Variants in CHN1 observed in about 807,000 individuals in gnomAD.
CHN1 encodes N-chimaerin.
Under a neutral mutation model 59.5 loss-of-function variants are expected in CHN1, and 37 were observed. The ratio of observed to expected loss-of-function variants is 0.62; its 90% confidence interval spans 0.48 to 0.82. The LOEUF (loss-of-function observed/expected upper bound fraction) is 0.82. CHN1 is among the 40% of genes least tolerant of loss of function. CHN1 has a pLI of 0.00. For synonymous variants in CHN1, 206 were observed against 200.4 expected, an observed-to-expected ratio of 1.03 and a Z score of -0.24; for missense variants, 469 against 571.0, an observed-to-expected ratio of 0.82 and a Z score of 1.82.
chr2:174,848,946 A>G (rs924631764), intron 6 of CHN1, among the ~76,000 whole-genome samples: 4 of 151,642 alleles, frequency 2.6e-5, no homozygotes, highest in African/African-American at 9.7e-5. Flanking sequence ...ATTTTGTCAC[A>G]TGATGACTAA....
chr2:174,990,252 TGTGTGTGTGTGAGAGAGA>T (rs1270812541), intron 1 of CHN1, among the ~76,000 whole-genome samples: 1 of 96,512 alleles, frequency 1.0e-5, no homozygotes, highest in Non-Finnish European at 2.3e-5. Flanking sequence ...TGTGTGTGTG[TGTGTGTGTGTGAGAGAGA>T]GAGAGAGAGA....
chr2:174,979,444 T>C (rs1180718659), intron 1 of CHN1, among the ~76,000 whole-genome samples: 2 of 152,208 alleles, frequency 1.3e-5, no homozygotes, highest in African/African-American at 4.8e-5. Context: ...ATTTTCTTTC[T>C]CTACAGTCAA....
intron 3 of CHN1, among the ~76,000 whole-genome samples, chr2:174,931,707 A>G (rs556015811): frequency 6.6e-6 from 1 of 152,380 alleles, no homozygotes; most frequent in South Asian, 2.1e-4. Flanking sequence ...GTAGAACAGG[A>G]AAAGACTGGG....
chr2:174,922,654 G>A lies in CHN1; in HGVS notation c.115-4089C>T, dbSNP rs142847927. The stretch of plus-strand genomic sequence containing the variant: ...TGCAGTGAGCCATGATCACATCACT[G>A]CACTCTCAGCCTGAGTGACAGAGTA... On this transcript the variant is annotated intron_variant, in intron 3 of 12. Coordinates refer to ENST00000409900, the MANE Select transcript of CHN1 (RefSeq NM_001822.7). Among the ~76,000 whole-genome samples, 242 of 152,144 alleles carry A rather than the reference G, an allele frequency of 1.6e-3. 5 individuals are homozygous for A. Among genetic ancestry groups the A allele is most frequent in the East Asian group, 5.2e-3 (27 of 5,170 alleles).
intron 1 of CHN1, among the ~76,000 whole-genome samples, chr2:174,959,652 G>A (rs922885519): frequency 2.0e-5 from 3 of 152,174 alleles, no homozygotes; most frequent in Non-Finnish European, 4.4e-5. Flanking sequence ...AAGAGGCAGA[G>A]ACATTCCTGA....
chr2:174,811,659 GC>G, intron 9 of CHN1, 71 bp from the exon 10 acceptor site: 2 of 871,268 alleles, frequency 2.3e-6, no homozygotes, highest in Non-Finnish European at 3.6e-6. Context: ...CACACTTTAA[GC>G]TGGGAGGTAA....
chr2:174,811,544 G>C lies in CHN1; in HGVS notation c.931C>G (p.Leu311Val). Reference protein sequence around the residue: ...GLYRVSGFSDLIEDVKMAFDR... With the variant: ...GLYRVSGFSDVIEDVKMAFDR... ...AAAGCCATCTTGACATCTTCAATTA[G>C]GTCACTAAATCCTGATACTCGGTAT... The change falls in exon 10 of 13, where the codon CTA becomes GTA. Residue 311 changes from leucine (L) to valine (V), a missense_variant. Leu to Val is a conservative substitution (Grantham distance 32, BLOSUM62 1). Coordinates refer to ENST00000409900, the MANE Select transcript of CHN1 (RefSeq NM_001822.7). 6.2e-7 allele frequency: 1 copy of C among 1,611,708 alleles called. No homozygotes were observed.
At chr2:174,879,453 T>C (rs1205514587) in intron 5 of CHN1, among the ~76,000 whole-genome samples, 1 of 152,204 alleles carries the variant, frequency 6.6e-6, no homozygotes, top group African/African-American at 2.4e-5. Context: ...CAAATTTTGA[T>C]TTACACTTAA....
At chr2:174,981,530 T>A (rs1055711226) in intron 1 of CHN1, among the ~76,000 whole-genome samples, 1 of 152,222 alleles carries the variant, frequency 6.6e-6, no homozygotes, top group Non-Finnish European at 1.5e-5. Context: ...CTACTAAAGA[T>A]GAAAACACCG....
intron 1 of CHN1, among the ~76,000 whole-genome samples, chr2:174,987,585 T>C (rs999370464): frequency 2.1e-4 from 32 of 151,812 alleles, no homozygotes; most frequent in African/African-American, 7.0e-4. Flanking sequence ...ATTTTTGTAT[T>C]AGCCCGCCAC....
chr2:174,942,902 T>G (rs1235927297), intron 3 of CHN1, among the ~76,000 whole-genome samples: 6 of 151,794 alleles, frequency 4.0e-5, no homozygotes, highest in Admixed American at 2.0e-4. Context: ...AGTACAAAAA[T>G]TAGCCAGACA....
chr2:174,987,693 TAAA>T (rs1691395465), intron 1 of CHN1, among the ~76,000 whole-genome samples: 1 of 152,116 alleles, frequency 6.6e-6, no homozygotes, highest in African/African-American at 2.4e-5. Flanking sequence ...CTCGGCTTCC[TAAA>T]GTGCTGGGAT....
intron 1 of CHN1, among the ~76,000 whole-genome samples, chr2:174,996,430 G>C (rs776506255): frequency 1.1e-4 from 16 of 152,124 alleles, no homozygotes; most frequent in Non-Finnish European, 2.1e-4. Context: ...AACGATATAG[G>C]TGACAATATT....
intron 3 of CHN1, among the ~76,000 whole-genome samples, chr2:174,941,056 C>T (rs995739648): frequency 4.6e-5 from 7 of 152,096 alleles, no homozygotes; most frequent in Non-Finnish European, 1.0e-4. Flanking sequence ...TACGGACTTA[C>T]AAATTCTCTC....
chr2:174,921,913 G>A (rs1210699030), intron 3 of CHN1, among the ~76,000 whole-genome samples: 1 of 152,198 alleles, frequency 6.6e-6, no homozygotes, highest in African/African-American at 2.4e-5. Context: ...AGATTTGGGT[G>A]AGGACACAGC....
chr2:174,824,630 A>G (rs1183525561), intron 7 of CHN1, 112 bp from the exon 8 acceptor site: 7 of 474,162 alleles, frequency 1.5e-5, no homozygotes, highest in South Asian at 5.4e-5. Flanking sequence ...ATATATATAT[A>G]TGAGAGAAAG....
intron 3 of CHN1, among the ~76,000 whole-genome samples, chr2:174,919,429 G>A (rs1688942107): frequency 8.6e-6 from 1 of 116,088 alleles, no homozygotes; most frequent in Non-Finnish European, 1.8e-5. Flanking sequence ...CTGTTCATAG[G>A]AACAGCAAAA....
At chr2:174,856,217 T>A (rs1428012461) in intron 6 of CHN1, among the ~76,000 whole-genome samples, 1 of 152,132 alleles carries the variant, frequency 6.6e-6, no homozygotes, top group African/African-American at 2.4e-5. Context: ...AAATAAATTT[T>A]TATATTACAC....
At chr2:174,824,841 G>A (rs893002663) in intron 7 of CHN1, among the ~76,000 whole-genome samples, 1 of 152,236 alleles carries the variant, frequency 6.6e-6, no homozygotes, top group East Asian at 1.9e-4. Flanking sequence ...GAACTTCTGA[G>A]CTCAAGCATC....
Sources: gnomAD v4.1 joint callset for allele counts (sites outside exome capture counted in the v4.1 genomes callset) on GRCh38, gnomAD v4.1.1 for gene constraint, MANE v1.5 for transcripts, NCBI Gene and HGNC (gene_info 2026-07-23, HGNC 2026-07-21) for gene names.